CYP20A1: variants seen among roughly 807,000 people sequenced by gnomAD.
CYP20A1 encodes cytochrome P450 family 20 subfamily A member 1.
CYP20A1 carries 61 observed loss-of-function variants against 61.4 expected under a neutral mutation model. That is an observed-to-expected ratio of 0.99 (90% CI 0.81 to 1.23). The LOEUF is 1.23. Ranked by LOEUF, CYP20A1 falls within the 50% of genes most tolerant of loss-of-function variation. The pLI is 0.00. For synonymous variants in CYP20A1, 193 were observed against 188.2 expected (o/e 1.03, Z -0.21); for missense variants, 530 against 542.4 (o/e 0.98, Z 0.23).
chr2:203,270,735 TC>T lies in CYP20A1; in HGVS notation c.601-1934del, dbSNP rs1235228089. Among the ~76,000 whole-genome samples the T allele has an allele frequency of 2.5e-3, 363 of 147,854 alleles. 1 individual carries two copies. The highest frequency in any genetic ancestry group is 8.2e-3 in the African/African-American group (330 of 40,106). ...TTATATAAATATTTACTTTTTTTTT[TC>T]TTTTTTTTTTTTTTTAGGCTGCAGT... On this transcript the variant is annotated intron_variant, in intron 5 of 12. Transcript: ENST00000356079.
At chr2:203,282,598 A>G (rs143520679) in intron 8 of CYP20A1, among the ~76,000 whole-genome samples, 120 of 152,294 alleles carry the variant, frequency 7.9e-4, no homozygotes, top group African/African-American at 2.4e-3. Context: ...AAAAGTGACT[A>G]TTTCCAAGGT....
intron 10 of CYP20A1, 109 bp from the exon 11 acceptor site, chr2:203,292,153 T>C (rs2068564259): frequency 3.3e-6 from 2 of 597,834 alleles, no homozygotes; most frequent in South Asian, 5.5e-5. Context: ...TTTTAAATTA[T>C]TATTTTGTAT....
At chr2:203,242,423 T>G (rs976162347) in intron 1 of CYP20A1, among the ~76,000 whole-genome samples, 1 of 152,090 alleles carries the variant, frequency 6.6e-6, no homozygotes, top group African/African-American at 2.4e-5. Context: ...GTGAGGTGAA[T>G]TTCTCTTAAG....
At chr2:203,267,864 C>T (rs1051760094) in intron 5 of CYP20A1, among the ~76,000 whole-genome samples, 2 of 150,938 alleles carry the variant, frequency 1.3e-5, no homozygotes, top group Non-Finnish European at 3.0e-5. Context: ...AAAAAAAGAG[C>T]GATCTCACCG....
At chr2:203,293,911 T>C (rs1019360715) in intron 11 of CYP20A1, among the ~76,000 whole-genome samples, 2 of 152,168 alleles carry the variant, frequency 1.3e-5, no homozygotes, top group Non-Finnish European at 2.9e-5. Flanking sequence ...TCAATGACTT[T>C]ACAGAGTGAA....
intron 7 of CYP20A1, among the ~76,000 whole-genome samples, chr2:203,279,839 A>G (rs1471366098): frequency 3.3e-5 from 5 of 152,212 alleles, no homozygotes; most frequent in African/African-American, 1.2e-4. Flanking sequence ...ATACAACTAT[A>G]GTTCATCAAT....
rs202032171 is a variant in CYP20A1 at position 203,266,673 on chromosome 2, C to T, written c.592C>T (p.His198Tyr). The change falls in exon 5 of 13, where the codon CAT (histidine) becomes TAT (tyrosine). Residue 198 changes from histidine (H) to tyrosine (Y), a missense_variant. Physicochemically the swap from His to Tyr is moderately conservative, Grantham distance 83 (BLOSUM62 2). Coordinates refer to ENST00000356079, the MANE Select transcript of CYP20A1 (RefSeq NM_177538.3). ...GGAAGTCATTCGCTTCCAGAAGAAT[C>T]ATGGCACAGTAAGTCTGGGGCTAAA... ...DQEVIRFQKN[H>Y]GTVWSEIGKG... The T allele has an allele frequency of 1.4e-5, 22 of 1,613,696 alleles. No individual in the cohort carries two copies. Among genetic ancestry groups the T allele is most frequent in the Non-Finnish European group, 1.8e-5 (21 of 1,179,666 alleles).
At chr2:203,241,318 A>G (rs2066247214) in intron 1 of CYP20A1, among the ~76,000 whole-genome samples, 1 of 152,184 alleles carries the variant, frequency 6.6e-6, no homozygotes, top group Non-Finnish European at 1.5e-5. Flanking sequence ...GGAGATGTTG[A>G]GGAGTAACTG....
intron 6 of CYP20A1, among the ~76,000 whole-genome samples, chr2:203,274,634 C>T (rs2067739162): frequency 6.6e-6 from 1 of 152,020 alleles, no homozygotes; most frequent in Admixed American, 6.6e-5. Flanking sequence ...TTTCAACAAA[C>T]ATTTATTGAG....
At chr2:203,242,997 G>A (rs2066308705) in intron 1 of CYP20A1, among the ~76,000 whole-genome samples, 1 of 152,164 alleles carries the variant, frequency 6.6e-6, no homozygotes, top group Non-Finnish European at 1.5e-5. Flanking sequence ...AAAGAACACA[G>A]CCATACTGAC....
At chr2:203,271,072 A>ATTTT (rs2067563171) in intron 5 of CYP20A1, among the ~76,000 whole-genome samples, 1 of 68,868 alleles carries the variant, frequency 1.5e-5, no homozygotes, top group Admixed American at 1.9e-4. Flanking sequence ...ATATATATAT[A>ATTTT]TATATATATA....
chr2:203,239,458 G>C (rs759486604), intron 1 of CYP20A1, among the ~76,000 whole-genome samples: 3 of 152,242 alleles, frequency 2.0e-5, no homozygotes, highest in African/African-American at 4.8e-5. Flanking sequence ...CGGCTCTCAA[G>C]TACTTTGGGC....
At chr2:203,267,247 G>C (rs2067362731) in intron 5 of CYP20A1, among the ~76,000 whole-genome samples, 1 of 151,838 alleles carries the variant, frequency 6.6e-6, no homozygotes, top group South Asian at 2.1e-4. Context: ...CAAGAACAAG[G>C]CTTGGCTGGT....
chr2:203,258,296 C>T (rs1388883219), intron 4 of CYP20A1, among the ~76,000 whole-genome samples: 2 of 151,286 alleles, frequency 1.3e-5, no homozygotes, highest in Non-Finnish European at 2.9e-5. Flanking sequence ...AGGATCGCAT[C>T]AGCCCAGGAG....
At chr2:203,245,258 C>A (rs944607510) in intron 1 of CYP20A1, among the ~76,000 whole-genome samples, 1 of 151,916 alleles carries the variant, frequency 6.6e-6, no homozygotes, top group Non-Finnish European at 1.5e-5. Flanking sequence ...GATATCCTAA[C>A]CTCGTGATCT....
chr2:203,261,020 T>C (rs1312833425), intron 4 of CYP20A1, among the ~76,000 whole-genome samples: 1 of 152,048 alleles, frequency 6.6e-6, no homozygotes, highest in African/African-American at 2.4e-5. Flanking sequence ...TTTATCTGTA[T>C]GGGTCCATTG....
intron 4 of CYP20A1, among the ~76,000 whole-genome samples, chr2:203,259,011 T>C (rs189217797): frequency 6.6e-6 from 1 of 152,338 alleles, no homozygotes; most frequent in East Asian, 1.9e-4. Flanking sequence ...AATAATATTA[T>C]TGTTAAAAGC....
At chr2:203,245,121 C>A (rs535164832) in intron 1 of CYP20A1, among the ~76,000 whole-genome samples, 1 of 148,170 alleles carries the variant, frequency 6.7e-6, no homozygotes, top group Admixed American at 6.8e-5. Context: ...CCTCTGCCTC[C>A]CGGGTTCAAA....
intron 9 of CYP20A1, among the ~76,000 whole-genome samples, chr2:203,288,061 C>CTCT (rs1429423069): frequency 2.8e-5 from 2 of 70,460 alleles, no homozygotes; most frequent in African/African-American, 6.5e-5. Context: ...TTCTCTCTCT[C>CTCT]TTTTTTTTTT....
Sources: allele counts gnomAD v4.1 joint callset (sites outside exome capture counted in the v4.1 genomes callset), GRCh38; gene constraint gnomAD v4.1.1; transcripts MANE v1.5; gene names NCBI Gene and HGNC (gene_info 2026-07-23, HGNC 2026-07-21).